The following ATP2B1 variants were observed in gnomAD, a reference collection of about 807,000 sequenced individuals.
ATP2B1 encodes plasma membrane calcium-transporting ATPase 1.
In ATP2B1, 14 loss-of-function variants were observed where a neutral mutation model predicts 124.2. The ratio of observed to expected loss-of-function variants is 0.11; its 90% CI spans 0.07 to 0.18. The LOEUF (loss-of-function observed/expected upper bound fraction) is 0.18, where lower values mean the gene tolerates loss of function less well. ATP2B1 is among the 10% of genes least tolerant of loss of function. The probability of loss-of-function intolerance (pLI) is 1.00; values close to 1 mark genes in which losing one functional copy is unlikely to be tolerated. For missense variants in ATP2B1, 763 were observed against 1,466.1 expected, an observed-to-expected ratio of 0.52 and a Z score of 7.83; for synonymous variants, 449 against 492.4, an observed-to-expected ratio of 0.91 and a Z score of 1.17.
intron 1 of ATP2B1, among the ~76,000 whole-genome samples, chr12:89,699,366 A>G (rs1467245036): frequency 6.6e-6 from 1 of 152,254 alleles, no homozygotes; most frequent in Non-Finnish European, 1.5e-5. Flanking sequence ...TTAGCTTTTC[A>G]ATAAATGTAT....
chr12:89,685,630 GC>G (rs991440985), intron 1 of ATP2B1, among the ~76,000 whole-genome samples: 1 of 152,040 alleles, frequency 6.6e-6, no homozygotes, highest in African/African-American at 2.4e-5. Flanking sequence ...TGATTCTGGT[GC>G]ATGCTAAAGT....
At chr12:89,707,595 G>A (rs758787281) in intron 1 of ATP2B1, among the ~76,000 whole-genome samples, 2 of 152,146 alleles carry the variant, frequency 1.3e-5, no homozygotes, top group African/African-American at 2.4e-5. Context: ...CCAAAGAAAA[G>A]GTAAATATCA....
At chr12:89,672,130 A>G (rs550342157) in intron 1 of ATP2B1, among the ~76,000 whole-genome samples, 115 of 152,292 alleles carry the variant, frequency 7.6e-4, no homozygotes, top group African/African-American at 2.6e-3. Context: ...AAATTGCTCT[A>G]TCTCCCTTGG....
intron 1 of ATP2B1, among the ~76,000 whole-genome samples, chr12:89,669,381 C>T (rs183122064): frequency 1.3e-5 from 2 of 152,202 alleles, no homozygotes; most frequent in East Asian, 3.9e-4. Flanking sequence ...GACTGTCAAT[C>T]CCAAAGAAGC....
intron 1 of ATP2B1, among the ~76,000 whole-genome samples, chr12:89,662,889 C>G (rs910319250): frequency 6.6e-6 from 1 of 152,024 alleles, no homozygotes; most frequent in Non-Finnish European, 1.5e-5. Context: ...AACACTTTAG[C>G]AAATCTCTCA....
intron 1 of ATP2B1, among the ~76,000 whole-genome samples, chr12:89,704,963 C>G (rs1892281398): frequency 6.6e-6 from 1 of 152,072 alleles, no homozygotes; most frequent in South Asian, 2.1e-4. Flanking sequence ...ATTACCTGTC[C>G]TATGTCCCCA....
chr12:89,624,077 G>C, intron 9 of ATP2B1, 106 bp downstream of exon 9: 1 of 959,364 alleles, frequency 1.0e-6, no homozygotes, highest in Non-Finnish European at 1.5e-6. Flanking sequence ...ACATTTATAT[G>C]AAAGTCCTCA....
intron 1 of ATP2B1, among the ~76,000 whole-genome samples, chr12:89,672,527 CCTTT>C (rs1888121244): frequency 6.6e-6 from 1 of 152,142 alleles, no homozygotes; most frequent in South Asian, 2.1e-4. Flanking sequence ...CCTTTCTATT[CCTTT>C]CTTATCTAGC....
At chr12:89,681,208 T>C (rs1337207935) in intron 1 of ATP2B1, among the ~76,000 whole-genome samples, 1 of 151,968 alleles carries the variant, frequency 6.6e-6, no homozygotes, top group Non-Finnish European at 1.5e-5. Flanking sequence ...TGCACAGATA[T>C]ACTGAATAAA....
At chr12:89,608,693 T>C (rs1877428128) in intron 15 of ATP2B1, among the ~76,000 whole-genome samples, 1 of 152,204 alleles carries the variant, frequency 6.6e-6, no homozygotes, top group Non-Finnish European at 1.5e-5. Flanking sequence ...TTAAAATTCA[T>C]TTTACATAAC....
chr12:89,649,717 A>G (rs1884995150), intron 2 of ATP2B1, among the ~76,000 whole-genome samples: 1 of 152,178 alleles, frequency 6.6e-6, no homozygotes. Context: ...GGGGTGGAAT[A>G]ATATGGTTTG....
intron 1 of ATP2B1, among the ~76,000 whole-genome samples, chr12:89,677,773 CA>C (rs947116159): frequency 5.3e-5 from 8 of 151,404 alleles, no homozygotes; most frequent in Non-Finnish European, 1.0e-4. Flanking sequence ...AGTAGAATAC[CA>C]ATTAAATTAT....
chr12:89,708,010 T>C (rs562878014), intron 1 of ATP2B1, among the ~76,000 whole-genome samples: 141 of 151,852 alleles, frequency 9.3e-4, no homozygotes, highest in African/African-American at 3.3e-3. Context: ...ACGGAAGGCG[T>C]GAGGAGAAAG....
intron 1 of ATP2B1, among the ~76,000 whole-genome samples, chr12:89,691,579 T>C (rs1890560465): frequency 6.6e-6 from 1 of 152,136 alleles, no homozygotes; most frequent in South Asian, 2.1e-4. Flanking sequence ...TCAAACATAA[T>C]TAACCAGAAA....
chr12:89,662,351 T>G (rs1472992942), intron 1 of ATP2B1, among the ~76,000 whole-genome samples: 2 of 152,132 alleles, frequency 1.3e-5, no homozygotes, highest in Admixed American at 6.5e-5. Context: ...ACTCTCATAG[T>G]GAAAAGAGCA....
chr12:89,596,425 A>G (rs1009448160), intron 20 of ATP2B1, among the ~76,000 whole-genome samples: 1 of 152,158 alleles, frequency 6.6e-6, no homozygotes, highest in African/African-American at 2.4e-5. Flanking sequence ...CATACTGTCA[A>G]TAATTATTTC....
intron 6 of ATP2B1, 149 bp from the exon 7 acceptor site, chr12:89,627,865 T>C: frequency 1.2e-6 from 1 of 812,950 alleles, no homozygotes; most frequent in African/African-American, 1.7e-5. Context: ...TGTGATGACC[T>C]GCTGGGTCAA....
intron 1 of ATP2B1, among the ~76,000 whole-genome samples, chr12:89,658,055 T>C (rs1328015179): frequency 1.3e-5 from 2 of 152,202 alleles, no homozygotes; most frequent in African/African-American, 4.8e-5. Flanking sequence ...CTTGAAAAAC[T>C]GGAGAGGGTG....
intron 8 of ATP2B1, 115 bp downstream of exon 8, chr12:89,626,339 A>T: frequency 1.0e-5 from 11 of 1,095,688 alleles, no homozygotes; most frequent in Non-Finnish European, 1.3e-5. Context: ...AATATTTCAA[A>T]CTCCCCTTCT....
Sources: gnomAD v4.1 joint callset for allele counts (sites outside exome capture counted in the v4.1 genomes callset) on GRCh38, gnomAD v4.1.1 for gene constraint, MANE v1.5 for transcripts, NCBI Gene and HGNC (gene_info 2026-07-23, HGNC 2026-07-21) for gene names.